The following SEC23A variants were observed in gnomAD, a reference collection of about 807,000 sequenced individuals.
The protein encoded by SEC23A is SEC23 homolog A, COPII component.
Under a neutral mutation model 103.7 loss-of-function variants are expected in SEC23A, and 56 were observed. The ratio of observed to expected loss-of-function variants is 0.54; its 90% CI spans 0.44 to 0.67. The LOEUF (loss-of-function observed/expected upper bound fraction) is 0.67. Ranked by LOEUF, SEC23A falls within the 30% of genes least tolerant of loss-of-function variation. SEC23A has a pLI of 0.00. For missense variants in SEC23A, 784 were observed against 936.4 expected, an observed-to-expected ratio of 0.84 and a Z score of 2.12; for synonymous variants, 281 against 293.0, an observed-to-expected ratio of 0.96 and a Z score of 0.42.
At chr14:39,037,733 C>G (rs1885505865) in intron 19 of SEC23A, among the ~76,000 whole-genome samples, 1 of 152,156 alleles carries the variant, frequency 6.6e-6, no homozygotes, top group East Asian at 1.9e-4. Flanking sequence ...CAATTATGTT[C>G]TTTATAGCTA....
At chr14:39,040,350 G>GT (rs1268762578) in intron 18 of SEC23A, 2 of 178,026 alleles carry the variant, frequency 1.1e-5, no homozygotes, top group Admixed American at 5.6e-5. Flanking sequence ...ATGAAAAAAT[G>GT]TAAGTTACCA....
rs545486110 is a variant in SEC23A at position 39,102,125 on chromosome 14, G to A, written c.-22+907C>T. ...CTCGCCCCTGTAATCCCAGCTACTC[G>A]GGAGGCTGAAGCAGGAGAATCGCTT... On this transcript the variant is annotated intron_variant, in intron 1 of 19. Transcript: ENST00000307712. Among the ~76,000 whole-genome samples the A allele has an allele frequency of 1.5e-3, 227 of 152,036 alleles. 2 individuals are homozygous for A. Among genetic ancestry groups the A allele is most frequent in the African/African-American group, 4.4e-3 (182 of 41,482 alleles).
At chr14:39,100,657 C>A (rs1327824103) in intron 1 of SEC23A, among the ~76,000 whole-genome samples, 1 of 151,994 alleles carries the variant, frequency 6.6e-6, no homozygotes, top group African/African-American at 2.4e-5. Context: ...AGGTGATCCA[C>A]CCACCTCAGC....
At chr14:39,075,723 T>A (rs1029862809) in intron 8 of SEC23A, among the ~76,000 whole-genome samples, 1 of 152,228 alleles carries the variant, frequency 6.6e-6, no homozygotes, top group Admixed American at 6.5e-5. Context: ...AGATACCTAC[T>A]GACACGTACT....
chr14:39,073,756 C>T (rs1323897470), intron 9 of SEC23A, among the ~76,000 whole-genome samples: 4 of 151,346 alleles, frequency 2.6e-5, no homozygotes, highest in African/African-American at 9.7e-5. Flanking sequence ...ATTACAGGTG[C>T]CTGCCACCAC....
chr14:39,058,586 C>T (rs1405356935), intron 13 of SEC23A, among the ~76,000 whole-genome samples: 3 of 152,070 alleles, frequency 2.0e-5, no homozygotes, highest in African/African-American at 4.8e-5. Context: ...GGATTACAGG[C>T]GTGAGCCACC....
chr14:39,100,592 T>C (rs1480567451), intron 1 of SEC23A, among the ~76,000 whole-genome samples: 5 of 151,834 alleles, frequency 3.3e-5, no homozygotes, highest in African/African-American at 4.8e-5. Context: ...TTTGTATTTT[T>C]AGTAGAGATG....
chr14:39,059,628 C>T (rs1886398978), intron 13 of SEC23A, among the ~76,000 whole-genome samples: 1 of 152,110 alleles, frequency 6.6e-6, no homozygotes, highest in Non-Finnish European at 1.5e-5. Context: ...TTTAACACAT[C>T]TGCATTATCA....
At chr14:39,083,901 G>A (rs1887328625) in intron 7 of SEC23A, among the ~76,000 whole-genome samples, 1 of 151,954 alleles carries the variant, frequency 6.6e-6, no homozygotes, top group South Asian at 2.1e-4. Context: ...GACTATCTCA[G>A]ATATTTGGGG....
intron 19 of SEC23A, among the ~76,000 whole-genome samples, chr14:39,036,825 C>T (rs545465602): frequency 2.6e-5 from 4 of 152,084 alleles, no homozygotes; most frequent in Admixed American, 1.3e-4. Flanking sequence ...TTTATACTTT[C>T]GACCTCCGCT....
chr14:39,076,969 G>A (rs931505267), intron 7 of SEC23A, among the ~76,000 whole-genome samples: 3 of 151,420 alleles, frequency 2.0e-5, no homozygotes, highest in African/African-American at 7.3e-5. Flanking sequence ...GCTGACGCCT[G>A]TAATCCCAGC....
Position 39,063,353 on chromosome 14 carries a change from A to T in SEC23A, c.1369T>A (p.Leu457Ile). ...KICGLSPTTTLAIYFEVVNQH... is the reference protein window; with the variant it reads ...KICGLSPTTTIAIYFEVVNQH... ...TTGACAACCTCAAAATATATGGCTAAGGTTGTAGTGGGACTAAGTCCACAT... is the reference window on the plus strand; with the variant it reads ...TTGACAACCTCAAAATATATGGCTATGGTTGTAGTGGGACTAAGTCCACAT... The change falls in exon 12 of 20, where the codon TTA becomes ATA. Residue 457 changes from leucine to isoleucine, a missense_variant. This residue lies in a region of SEC23A where 683 missense variants were observed against 774.2 expected (regional missense o/e 0.88). Coordinates refer to ENST00000307712, the MANE Select transcript of SEC23A (RefSeq NM_006364.4). 6.2e-7 allele frequency: 1 copy of T among 1,612,026 alleles called. No individual in the cohort carries two copies. The highest frequency in any genetic ancestry group is 1.1e-5 in the South Asian group (1 of 91,034).
chr14:39,049,490 A>AT (rs34587341), intron 14 of SEC23A, among the ~76,000 whole-genome samples: 40,438 of 149,952 alleles, frequency 0.27, 6,403 homozygotes, highest in Non-Finnish European at 0.35. Context: ...AAAAAAAAAA[A>AT]TTTGAGCCAA....
At chr14:39,065,997 C>CAAAAAAAAAAAAAAAAAAAAAAAAAAAA (rs59260008) in intron 10 of SEC23A, among the ~76,000 whole-genome samples, 1 of 80,556 alleles carries the variant, frequency 1.2e-5, no homozygotes, top group Admixed American at 1.4e-4. Flanking sequence ...AACTCCATCT[C>CAAAAAAAAAAAAAAAAAAAAAAAAAAAA]AAAAAAAAAA....
intron 17 of SEC23A, 72 bp from the exon 18 acceptor site, chr14:39,040,959 G>T: frequency 6.6e-7 from 1 of 1,508,460 alleles, no homozygotes. Context: ...TTTTTCCAAA[G>T]AAAATAATCT....
intron 14 of SEC23A, among the ~76,000 whole-genome samples, chr14:39,053,582 A>C (rs1350544402): frequency 1.3e-5 from 2 of 152,088 alleles, no homozygotes; most frequent in African/African-American, 4.8e-5. Flanking sequence ...TACTAGTATA[A>C]AAAAAACTCT....
At chr14:39,038,054 C>T (rs937014139) in intron 19 of SEC23A, among the ~76,000 whole-genome samples, 2 of 152,180 alleles carry the variant, frequency 1.3e-5, no homozygotes, top group South Asian at 2.1e-4. Context: ...CAACTTCTCA[C>T]TCCTCAACCT....
Position 39,032,138 on chromosome 14 carries a change from G to T in SEC23A, c.*1101C>A. On this transcript the variant is annotated 3_prime_UTR_variant, in exon 20 of 20. Transcript: ENST00000307712. Reference sequence around the variant, plus strand: ...GCACCACCTTTTATTTGCAGTACTTGATATGTAAATTTCATTGTCAAAACA... The same window carrying T: ...GCACCACCTTTTATTTGCAGTACTTTATATGTAAATTTCATTGTCAAAACA... 6.6e-6 allele frequency: 1 copy of T among 152,616 alleles called. No individual in the cohort carries two copies. Among genetic ancestry groups the T allele is most frequent in the African/African-American group, 2.4e-5 (1 of 41,520 alleles). 9.5% of individuals were successfully genotyped at this position (152,616 alleles called of 1,614,324 possible).
intron 14 of SEC23A, among the ~76,000 whole-genome samples, chr14:39,050,050 G>T (rs1265755858): frequency 1.3e-5 from 2 of 152,030 alleles, no homozygotes; most frequent in East Asian, 3.9e-4. Context: ...TTACAGGCGT[G>T]AGCCACCGTG....
Sources: gnomAD v4.1 joint callset for allele counts (sites outside exome capture counted in the v4.1 genomes callset) on GRCh38, gnomAD v4.1.1 for gene constraint, gnomAD v4.1.1 regional missense constraint, MANE v1.5 for transcripts, NCBI Gene and HGNC (gene_info 2026-07-23, HGNC 2026-07-21) for gene names.